Variants in NRG1 observed in about 807,000 individuals in gnomAD.
NRG1 encodes neuregulin 1.
In NRG1, 18 loss-of-function variants were observed where a neutral mutation model predicts 63.8. That is an observed-to-expected ratio of 0.28 (90% CI 0.19 to 0.42). NRG1 has a LOEUF of 0.42. Among genes scored for constraint, NRG1 ranks in the 10% least tolerant of loss-of-function variants. The probability of loss-of-function intolerance (pLI) is 1.00; values close to 1 mark genes in which losing one functional copy is unlikely to be tolerated. For synonymous variants in NRG1, 302 were observed against 301.3 expected, an observed-to-expected ratio of 1.00 and a Z score of -0.02; for missense variants, 762 against 814.7, an observed-to-expected ratio of 0.94 and a Z score of 0.79.
chr8:31,834,320 C>CAA (rs1825488028), intron 1 of NRG1, among the ~76,000 whole-genome samples: 1 of 149,630 alleles, frequency 6.7e-6, no homozygotes, highest in African/African-American at 2.5e-5. Context: ...CACACACACA[C>CAA]ACACACACAC....
At chr8:32,146,810 C>T (rs1406440196) in intron 1 of NRG1, among the ~76,000 whole-genome samples, 1 of 151,964 alleles carries the variant, frequency 6.6e-6, no homozygotes, top group Non-Finnish European at 1.5e-5. Flanking sequence ...TTATTTGCCA[C>T]TCCTTCTACG....
intron 1 of NRG1, among the ~76,000 whole-genome samples, chr8:32,134,130 C>T (rs1282829280): frequency 6.6e-6 from 1 of 152,148 alleles, no homozygotes. Context: ...GCCCTGCTCA[C>T]TGTCAAAATT....
At chr8:32,556,508 C>A (rs1835198743) in intron 1 of NRG1, among the ~76,000 whole-genome samples, 1 of 152,138 alleles carries the variant, frequency 6.6e-6, no homozygotes, top group Non-Finnish European at 1.5e-5. Context: ...ACCATTATTT[C>A]TACAGAGAGA....
chr8:32,490,910 CT>C (rs1371056998), intron 1 of NRG1, among the ~76,000 whole-genome samples: 1 of 152,164 alleles, frequency 6.6e-6, no homozygotes, highest in Non-Finnish European at 1.5e-5. Context: ...CCTGTTGTGA[CT>C]TCGCCCCATC....
intron 1 of NRG1, among the ~76,000 whole-genome samples, chr8:32,200,233 T>C (rs1489995094): frequency 6.6e-6 from 1 of 152,224 alleles, no homozygotes; most frequent in South Asian, 2.1e-4. Flanking sequence ...CTAGTGTTTT[T>C]TGAAGATGTC....
intron 1 of NRG1, among the ~76,000 whole-genome samples, chr8:32,402,858 G>C (rs543498992): frequency 2.6e-5 from 4 of 152,142 alleles, no homozygotes; most frequent in Non-Finnish European, 5.9e-5. Flanking sequence ...TACTACCCAC[G>C]GTTTCAGGCA....
intron 7 of NRG1, chr8:32,749,568 T>C: frequency 6.2e-7 from 1 of 1,613,966 alleles, no homozygotes; most frequent in East Asian, 2.2e-5. Context: ...CAGAGCATCT[T>C]GGGATTGAAT....
intron 1 of NRG1, among the ~76,000 whole-genome samples, chr8:31,871,920 G>A (rs1032906641): frequency 6.6e-6 from 1 of 152,138 alleles, no homozygotes; most frequent in African/African-American, 2.4e-5. Flanking sequence ...AAAGGATAAT[G>A]TGGCTTTTAT....
intron 1 of NRG1, among the ~76,000 whole-genome samples, chr8:32,464,690 G>GT (rs1275877938): frequency 6.6e-6 from 1 of 151,450 alleles, no homozygotes; most frequent in Non-Finnish European, 1.5e-5. Flanking sequence ...TGTTTGTTTT[G>GT]TTTTTTATTA....
intron 1 of NRG1, among the ~76,000 whole-genome samples, chr8:31,862,222 C>A (rs927855402): frequency 6.6e-6 from 1 of 152,142 alleles, no homozygotes; most frequent in African/African-American, 2.4e-5. Context: ...AGACATTAAC[C>A]TTAAGTTATC....
chr8:31,852,428 C>G (rs560565624), intron 1 of NRG1, among the ~76,000 whole-genome samples: 1 of 152,142 alleles, frequency 6.6e-6, no homozygotes, highest in Non-Finnish European at 1.5e-5. Flanking sequence ...TGTCTGTTCA[C>G]GTCCTACGCC....
intron 1 of NRG1, among the ~76,000 whole-genome samples, chr8:31,957,285 C>G (rs1363331369): frequency 6.6e-6 from 1 of 151,536 alleles, no homozygotes; most frequent in African/African-American, 2.4e-5. Context: ...CTGTAACACA[C>G]ACATACCCAT....
chr8:32,562,488 G>A (rs1000744395), intron 1 of NRG1, among the ~76,000 whole-genome samples: 1 of 152,034 alleles, frequency 6.6e-6, no homozygotes, highest in Non-Finnish European at 1.5e-5. Flanking sequence ...GGCTCAAGGA[G>A]TCCTTCCACC....
At chr8:32,358,895 A>G (rs531257515) in intron 1 of NRG1, among the ~76,000 whole-genome samples, 39 of 152,274 alleles carry the variant, frequency 2.6e-4, no homozygotes, top group African/African-American at 8.9e-4. Flanking sequence ...TAAATAAATA[A>G]AGCATATCAG....
rs534337987 is a variant in NRG1 at position 31,961,412 on chromosome 8, A to G, written c.37+321981A>G. Among the ~76,000 whole-genome samples, 21 of 152,336 alleles carry G rather than the reference A, an allele frequency of 1.4e-4. 1 individual carries two copies. Among genetic ancestry groups the G allele is most frequent in the African/African-American group, 3.8e-4 (16 of 41,596 alleles). On this transcript the variant is annotated intron_variant, in intron 1 of 10. Coordinates refer to the NRG1 transcript ENST00000519301. ...AAGTGAATACAACATCTCACTCTGC[A>G]CAATATTAAGAAATAGATCTACTGA...
At chr8:32,288,462 C>G (rs1329891889) in intron 1 of NRG1, among the ~76,000 whole-genome samples, 1 of 152,110 alleles carries the variant, frequency 6.6e-6, no homozygotes, top group Non-Finnish European at 1.5e-5. Flanking sequence ...TTTAAAAGCC[C>G]ATTCCACTTA....
chr8:32,698,266 G>A (rs1813893089), intron 5 of NRG1, among the ~76,000 whole-genome samples: 1 of 152,022 alleles, frequency 6.6e-6, no homozygotes, highest in Non-Finnish European at 1.5e-5. Flanking sequence ...ATAAGTAAAG[G>A]ATAAGGAGAG....
chr8:32,711,784 A>G lies in NRG1; in HGVS notation c.503-16165A>G, dbSNP rs576994694. On this transcript the variant is annotated intron_variant, in intron 5 of 11. Transcript: ENST00000356819. ...ATGATAAATAGCATGCCCAGTAGAA[A>G]TGGTAGTTGTGAGCACATTTAAAGT... Among the ~76,000 whole-genome samples, 56 of 152,256 alleles carry G rather than the reference A, an allele frequency of 3.7e-4. No individual in the cohort carries two copies. The South Asian group carries it at 0.011, about 31-fold the overall frequency.
At chr8:31,953,466 T>C (rs941658189) in intron 1 of NRG1, among the ~76,000 whole-genome samples, 5 of 152,156 alleles carry the variant, frequency 3.3e-5, no homozygotes, top group South Asian at 2.1e-4. Context: ...AATGATAAGA[T>C]ACTTAAAGTG....
Sources: allele counts gnomAD v4.1 joint callset (sites outside exome capture counted in the v4.1 genomes callset), GRCh38; gene constraint gnomAD v4.1.1; transcripts MANE v1.5; gene names NCBI Gene and HGNC (gene_info 2026-07-23, HGNC 2026-07-21).